Variants in STPG4 observed in about 807,000 individuals in gnomAD.
STPG4 encodes the protein sperm-tail PG-rich repeat containing 4, also known as protein STPG4.
A neutral mutation model predicts 31.5 loss-of-function variants in STPG4; 41 were observed. The observed-to-expected ratio is 1.30, with a 90% CI of 1.01 to 1.69. STPG4 has a LOEUF of 1.69. STPG4 is among the 40% of genes most tolerant of loss of function. STPG4 has a pLI of 0.00. For synonymous variants in STPG4, 141 were observed against 103.0 expected, an observed-to-expected ratio of 1.37 and a Z score of -2.24; for missense variants, 375 against 293.4, an observed-to-expected ratio of 1.28 and a Z score of -2.03.
intron 5 of STPG4, among the ~76,000 whole-genome samples, chr2:47,091,106 G>A (rs530516433): frequency 7.1e-6 from 1 of 141,374 alleles, no homozygotes; most frequent in Non-Finnish European, 1.5e-5. Flanking sequence ...AACAGAGAGA[G>A]GAAGGAAGAA....
At chr2:47,124,595 TAGG>T (rs780721428) in intron 5 of STPG4, among the ~76,000 whole-genome samples, 3 of 152,220 alleles carry the variant, frequency 2.0e-5, no homozygotes, top group Admixed American at 6.5e-5. Flanking sequence ...TTATTGCAAA[TAGG>T]AGGACCTCAT....
At chr2:47,125,681 A>G (rs1428225643) in intron 5 of STPG4, among the ~76,000 whole-genome samples, 2 of 151,582 alleles carry the variant, frequency 1.3e-5, no homozygotes, top group African/African-American at 2.4e-5. Context: ...AGTTTCCTCA[A>G]TGTTTTGTTT....
intron 5 of STPG4, among the ~76,000 whole-genome samples, chr2:47,091,551 G>A (rs1450450370): frequency 6.6e-6 from 1 of 151,962 alleles, no homozygotes; most frequent in Non-Finnish European, 1.5e-5. Flanking sequence ...GTGGGACAGG[G>A]CAAAAAACAG....
intron 5 of STPG4, among the ~76,000 whole-genome samples, chr2:47,095,392 C>T (rs1685649590): frequency 6.6e-6 from 1 of 152,118 alleles, no homozygotes; most frequent in African/African-American, 2.4e-5. Flanking sequence ...CGAGGAAGAC[C>T]AAGGAATGCC....
chr2:47,142,589 A>T (rs777165564), intron 3 of STPG4, among the ~76,000 whole-genome samples: 2 of 152,156 alleles, frequency 1.3e-5, no homozygotes, highest in Non-Finnish European at 1.5e-5. Flanking sequence ...ATATCAACAG[A>T]AAGAAAAAAA....
chr2:47,134,253 GTGT>G (rs755356113), intron 3 of STPG4, among the ~76,000 whole-genome samples: 2 of 152,214 alleles, frequency 1.3e-5, no homozygotes, highest in Non-Finnish European at 2.9e-5. Context: ...CTCACTCTTG[GTGT>G]TGTACTTTCA....
chr2:47,119,450 T>G (rs1254944030), intron 5 of STPG4, among the ~76,000 whole-genome samples: 1 of 152,190 alleles, frequency 6.6e-6, no homozygotes, highest in Non-Finnish European at 1.5e-5. Context: ...CTTCTGCTAT[T>G]TCACATACCA....
intron 5 of STPG4, among the ~76,000 whole-genome samples, chr2:47,097,711 G>C (rs1207236947): frequency 1.3e-5 from 2 of 152,112 alleles, no homozygotes; most frequent in African/African-American, 2.4e-5. Flanking sequence ...ACATTTCTAT[G>C]GTTTATAAAT....
intron 5 of STPG4, among the ~76,000 whole-genome samples, chr2:47,111,081 G>T (rs1686027473): frequency 6.6e-6 from 1 of 152,098 alleles, no homozygotes; most frequent in Non-Finnish European, 1.5e-5. Context: ...AGAATTTATG[G>T]GTGAAAAGGC....
chr2:47,117,915 CAT>C (rs10563568), intron 5 of STPG4, among the ~76,000 whole-genome samples: 3,277 of 94,912 alleles, frequency 0.035, 77 homozygotes, highest in African/African-American at 0.087. Flanking sequence ...GATAGTACAA[CAT>C]ATATATATAT....
chr2:47,127,041 T>C (rs1686379159), intron 5 of STPG4, among the ~76,000 whole-genome samples: 1 of 152,070 alleles, frequency 6.6e-6, no homozygotes. Context: ...TGTACTTCAA[T>C]ATTTCTATTT....
rs202196447 is a variant in STPG4 at position 47,125,420 on chromosome 2, C to CA, written c.519+4520dup. Among the ~76,000 whole-genome samples, 112 of 150,328 alleles carry CA rather than the reference C, an allele frequency of 7.5e-4. 1 individual carries two copies. The highest frequency in any genetic ancestry group is 2.5e-3 in the African/African-American group (103 of 40,994). ...TGGGTGAAAAAGCAAGACGCTGTCT[C>CA]AAAAAAAAAGACCTTTTTCCTATTG... On this transcript the variant is annotated intron_variant, in intron 5 of 6. Transcript: ENST00000445927.
chr2:47,119,515 AATC>A (rs1454020819), intron 5 of STPG4, among the ~76,000 whole-genome samples: 1 of 152,228 alleles, frequency 6.6e-6, no homozygotes. Context: ...ATAGTAAACA[AATC>A]ATTATTAACT....
At chr2:47,109,542 G>A (rs1186793518) in intron 5 of STPG4, among the ~76,000 whole-genome samples, 1 of 143,502 alleles carries the variant, frequency 7.0e-6, no homozygotes, top group Non-Finnish European at 1.5e-5. Context: ...GGGTGATAGT[G>A]AGACTATGTA....
chr2:47,107,579 C>T (rs1685942073), intron 5 of STPG4, among the ~76,000 whole-genome samples: 1 of 152,154 alleles, frequency 6.6e-6, no homozygotes, highest in Admixed American at 6.5e-5. Context: ...GTATGGGCTC[C>T]TGTGCAGCCC....
At chr2:47,139,910 G>A (rs1292681578) in intron 3 of STPG4, among the ~76,000 whole-genome samples, 8 of 151,968 alleles carry the variant, frequency 5.3e-5, no homozygotes. Context: ...TAAGTAGCTG[G>A]GACTACAGGC....
chr2:47,140,232 C>T (rs2103793486), intron 3 of STPG4, among the ~76,000 whole-genome samples: 1 of 152,278 alleles, frequency 6.6e-6, no homozygotes, highest in Non-Finnish European at 1.5e-5. Context: ...GGGTATTGCC[C>T]TTCCCTCAGG....
At chr2:47,129,127 A>C (rs888707721) in intron 5 of STPG4, 1 of 152,088 alleles carries the variant, frequency 6.6e-6, no homozygotes, top group Non-Finnish European at 1.5e-5. Flanking sequence ...GAGGTGCCCT[A>C]TTCTGCTGTG....
intron 2 of STPG4, 56 bp downstream of exon 2, chr2:47,152,901 A>G (rs1558690666): frequency 6.2e-6 from 8 of 1,288,688 alleles, no homozygotes; most frequent in Non-Finnish European, 8.7e-6. Context: ...ATAATTGATT[A>G]AAATATTAAT....
Sources: allele counts gnomAD v4.1 joint callset (sites outside exome capture counted in the v4.1 genomes callset), GRCh38; gene constraint gnomAD v4.1.1; transcripts MANE v1.5; gene names NCBI Gene and HGNC (gene_info 2026-07-23, HGNC 2026-07-21).